Variants in ACO2 observed in about 807,000 individuals in gnomAD.
The protein encoded by ACO2 is aconitate hydratase, mitochondrial.
A neutral mutation model predicts 84.5 loss-of-function variants in ACO2; 31 were observed. That is an observed-to-expected ratio of 0.37 (90% CI 0.28 to 0.50). The LOEUF (loss-of-function observed/expected upper bound fraction) is 0.50, where lower values mean the gene tolerates loss of function less well. ACO2 is among the 20% of genes least tolerant of loss of function. The pLI is 0.97. For missense variants in ACO2, 685 were observed against 1,029.3 expected (o/e 0.67, Z 4.58); for synonymous variants, 414 against 412.7 (o/e 1.00, Z -0.04).
chr22:41,510,212 T>A (rs1414125306), intron 3 of ACO2, among the ~76,000 whole-genome samples: 1 of 151,796 alleles, frequency 6.6e-6, no homozygotes, highest in Non-Finnish European at 1.5e-5. Context: ...CTGTCTAGGG[T>A]CACAGAACCA....
intron 1 of ACO2, among the ~76,000 whole-genome samples, chr22:41,485,689 C>T (rs372646954): frequency 1.2e-3 from 182 of 151,884 alleles, no homozygotes; most frequent in African/African-American, 4.2e-3. Context: ...GTGATCCACC[C>T]GCCTTGGCCT....
chr22:41,528,620 T>A lies in ACO2; in HGVS notation c.*7T>A. 6.4e-7 allele frequency: 1 copy of A among 1,557,928 alleles called. No homozygotes were observed. The stretch of plus-strand genomic sequence containing the variant: ...GAAGGAACTGCAACAGTGAGGGCAG[T>A]GCCTCCCCGCCCCGCCGCTGGCGTC... On this transcript the variant is annotated 3_prime_UTR_variant, in exon 18 of 18. Transcript: ENST00000216254.
intron 15 of ACO2, 187 bp from the exon 16 acceptor site, chr22:41,527,101 G>C: frequency 7.3e-6 from 6 of 816,642 alleles, no homozygotes; most frequent in South Asian, 1.8e-5. Flanking sequence ...TCGGGGCCTC[G>C]TTTGGGTCTC....
intron 9 of ACO2, among the ~76,000 whole-genome samples, chr22:41,522,081 C>T (rs904788487): frequency 6.6e-6 from 1 of 152,198 alleles, no homozygotes; most frequent in African/African-American, 2.4e-5. Flanking sequence ...CCAGTCCCAA[C>T]ACTTTGAGAG....
At chr22:41,474,418 C>T (rs1294544594) in intron 1 of ACO2, among the ~76,000 whole-genome samples, 27 of 136,362 alleles carry the variant, frequency 2.0e-4, no homozygotes, top group African/African-American at 3.1e-4. Flanking sequence ...CTCAGCCTCC[C>T]GAGTTGCTGG....
intron 2 of ACO2, among the ~76,000 whole-genome samples, chr22:41,501,003 T>G (rs1183773901): frequency 6.6e-6 from 1 of 151,588 alleles, no homozygotes; most frequent in Non-Finnish European, 1.5e-5. Flanking sequence ...TGTGCCCAGC[T>G]GGGACTATTT....
In ACO2 at chr22:41,523,923, C is replaced by CT; in HGVS notation, c.1467dup (p.Val490CysfsTer42). 1 of 1,613,168 alleles carries CT rather than the reference C, an allele frequency of 6.2e-7. No individual in the cohort carries two copies. Among genetic ancestry groups the CT allele is most frequent in the Non-Finnish European group, 8.5e-7 (1 of 1,179,960 alleles). On this transcript the variant is annotated frameshift_variant, in exon 12 of 18. Transcript: ENST00000216254. LOFTEE classifies it high-confidence loss of function. ...ACGACGCAAACCCCGAGACCCATGC[C>CT]TTTGTCACGTCCCCAGAGGTGAGAC... is the stretch of plus-strand genomic sequence containing the variant.
intron 1 of ACO2, among the ~76,000 whole-genome samples, chr22:41,486,493 C>T (rs1462028580): frequency 8.4e-4 from 117 of 139,280 alleles, no homozygotes; most frequent in African/African-American, 2.8e-3. Context: ...TTTTTTGAGA[C>T]GGAGTCTTAC....
rs2066469307 is a variant in ACO2 at position 41,515,535 on chromosome 22, G to A, written c.684G>A (p.Lys228=). 1 of 1,608,284 alleles carries A rather than the reference G, an allele frequency of 6.2e-7. No individual in the cohort carries two copies. The highest frequency in any genetic ancestry group is 8.5e-7 in the Non-Finnish European group (1 of 1,177,002). Residue 228 remains lysine, a splice_region_variant and synonymous_variant, in exon 5 of 18, where the codon AAG becomes AAA. Coordinates refer to ENST00000216254, the MANE Select transcript of ACO2 (RefSeq NM_001098.3). The surrounding 1 kb of genome is among the most constrained non-coding windows in gnomAD (Gnocchi z 5.8). ...TCCCCTGGGAGCTGAAGTGCCCCAA[G>A]GTGAGGGTGGGGAGGGACTCATTCT... ...AGIPWELKCP[K]VIGVKLTGSL...
chr22:41,503,979 C>T (rs572984842), intron 2 of ACO2, among the ~76,000 whole-genome samples: 4 of 151,992 alleles, frequency 2.6e-5, no homozygotes, highest in Non-Finnish European at 1.5e-5. Context: ...TTTGGGAGGC[C>T]GAGGCAGGCG....
chr22:41,508,004 G>A lies in ACO2; in HGVS notation c.387G>A (p.Leu129=), dbSNP rs1166804556. 6.2e-7 allele frequency: 1 copy of A among 1,613,748 alleles called. No homozygotes were observed. Among genetic ancestry groups the A allele is most frequent in the Non-Finnish European group, 8.5e-7 (1 of 1,179,720 alleles). ...CATCCACCATCCACTGTGACCATCT[G>A]ATTGAAGCCCAGGTTGGGGGCGAGA... ...AVPSTIHCDH[L]IEAQVGGEKD... The change falls in exon 3 of 18, where the codon CTG becomes CTA. Residue 129 remains leucine, a synonymous_variant. Coordinates refer to ENST00000216254, the MANE Select transcript of ACO2 (RefSeq NM_001098.3).
intron 1 of ACO2, among the ~76,000 whole-genome samples, chr22:41,471,052 G>A (rs894781471): frequency 6.6e-6 from 1 of 151,890 alleles, no homozygotes; most frequent in Non-Finnish European, 1.5e-5. Flanking sequence ...GGAGATCTGG[G>A]CTCTCTTTCC....
intron 1 of ACO2, among the ~76,000 whole-genome samples, chr22:41,485,434 ATTTTTTTTTTT>A (rs71184813): frequency 1.4e-5 from 1 of 69,026 alleles, no homozygotes; most frequent in South Asian, 4.9e-4. Context: ...TGCCCGGCTA[ATTTTTTTTTTT>A]TTTTTTTTTT....
chr22:41,484,001 C>T (rs1439545239), intron 1 of ACO2, among the ~76,000 whole-genome samples: 1 of 152,074 alleles, frequency 6.6e-6, no homozygotes, highest in Admixed American at 6.6e-5. Flanking sequence ...TTCATAATAT[C>T]GAGTGTCGTA....
At chr22:41,477,373 A>G (rs150361455) in intron 1 of ACO2, among the ~76,000 whole-genome samples, 1,765 of 150,606 alleles carry the variant, frequency 0.012, 37 homozygotes, top group African/African-American at 0.041. Flanking sequence ...GTTAGCCAGG[A>G]TGGTCTCAAT....
At chr22:41,521,451 C>T (rs1184515126) in intron 9 of ACO2, 2 of 152,254 alleles carry the variant, frequency 1.3e-5, no homozygotes, top group Non-Finnish European at 2.9e-5. Context: ...CAAACTACTT[C>T]ACTGTCTATG....
In ACO2 at chr22:41,499,843, A is replaced by C. The variant is rs2146106250; in HGVS notation, c.154A>C (p.Ile52Leu). 6.2e-7 allele frequency: 1 copy of C among 1,614,164 alleles called. No homozygotes were observed. Among genetic ancestry groups the C allele is most frequent in the Non-Finnish European group, 8.5e-7 (1 of 1,180,032 alleles). ...CCATTATGACCTGCTAGAGAAGAAC[A>C]TTAACATTGTTCGCAAACGGTAAGG... ...YIHYDLLEKN[I>L]NIVRKRLNRP... Residue 52 changes from isoleucine (I) to leucine (L), a missense_variant, in exon 2 of 18, where the codon ATT becomes CTT. This residue lies in a region of ACO2 where 98 missense variants were observed against 107.6 expected (regional missense o/e 0.91). Coordinates refer to ENST00000216254, the MANE Select transcript of ACO2 (RefSeq NM_001098.3).
chr22:41,519,766 C>T (rs1408010335), intron 8 of ACO2, among the ~76,000 whole-genome samples: 1 of 151,070 alleles, frequency 6.6e-6, no homozygotes, highest in African/African-American at 2.5e-5. Flanking sequence ...CAAGATCGTG[C>T]CACTGCACTC....
At chr22:41,473,433 G>A (rs1223963263) in intron 1 of ACO2, among the ~76,000 whole-genome samples, 2 of 152,192 alleles carry the variant, frequency 1.3e-5, no homozygotes, top group Non-Finnish European at 2.9e-5. Flanking sequence ...GAACCCAGGA[G>A]GTGGAGGTTG....
Sources: gnomAD v4.1 joint callset for allele counts (sites outside exome capture counted in the v4.1 genomes callset) on GRCh38, gnomAD v4.1.1 for gene constraint, gnomAD v4.1.1 regional missense constraint, Gnocchi (gnomAD v3.1) non-coding constraint, MANE v1.5 for transcripts, NCBI Gene and HGNC (gene_info 2026-07-23, HGNC 2026-07-21) for gene names.